Variants in GCNT2 observed in about 807,000 individuals in gnomAD.
The protein encoded by GCNT2 is N-acetyllactosaminide beta-1,6-N-acetylglucosaminyl-transferase.
Under a neutral mutation model 34.2 loss-of-function variants are expected in GCNT2, and 34 were observed. That is an observed-to-expected ratio of 1.00 (90% CI 0.76 to 1.32). GCNT2 has a LOEUF of 1.32. Among genes scored for constraint, GCNT2 ranks in the 40% most tolerant of loss-of-function variants. GCNT2 has a pLI of 0.00. For missense variants in GCNT2, 584 were observed against 489.4 expected (o/e 1.19, Z -1.82); for synonymous variants, 212 against 188.0 (o/e 1.13, Z -1.04).
chr6:10,546,527 C>G (rs1376454891), intron 3 of GCNT2, among the ~76,000 whole-genome samples: 1 of 152,088 alleles, frequency 6.6e-6, no homozygotes, highest in Non-Finnish European at 1.5e-5. Flanking sequence ...GGCGTGGTGG[C>G]AGGTGCTTGT....
At chr6:10,558,869 C>T (rs1364013713) in intron 3 of GCNT2, among the ~76,000 whole-genome samples, 1 of 152,226 alleles carries the variant, frequency 6.6e-6, no homozygotes, top group Non-Finnish European at 1.5e-5. Flanking sequence ...CTCTCTTCAC[C>T]TTTGATCTGT....
intron 3 of GCNT2, among the ~76,000 whole-genome samples, chr6:10,546,742 TTATTA>T (rs1193007436): frequency 6.6e-6 from 1 of 152,176 alleles, no homozygotes; most frequent in Non-Finnish European, 1.5e-5. Context: ...TTTATTTTAT[TTATTA>T]TATTTTAAAG....
At chr6:10,581,907 C>G (rs1164902397) in intron 3 of GCNT2, 3 of 976,402 alleles carry the variant, frequency 3.1e-6, no homozygotes, top group South Asian at 4.7e-5. Context: ...TTGGATTGTT[C>G]CCTTCATACA....
In GCNT2 at chr6:10,579,757, A is replaced by C. The variant is rs183892375; in HGVS notation, c.926-41594A>C. Among the ~76,000 whole-genome samples the C allele has an allele frequency of 8.9e-5, 13 of 145,752 alleles. 1 individual carries two copies. In the East Asian group the frequency reaches 2.0e-3, roughly 22 times the overall value. ...CTTGAACCCGGAAGGCGGAGGTTGC[A>C]GTGAGCTGAGATCGTGCCACTGCGC... On this transcript the variant is annotated intron_variant, in intron 3 of 4. Transcript: ENST00000495262.
chr6:10,580,691 G>A (rs1008858924), intron 3 of GCNT2, among the ~76,000 whole-genome samples: 11 of 151,980 alleles, frequency 7.2e-5, no homozygotes, highest in African/African-American at 2.7e-4. Flanking sequence ...GAGTAGGTCC[G>A]ACTCGGGTTC....
chr6:10,613,669 C>CGCAT (rs1277089510), intron 3 of GCNT2, among the ~76,000 whole-genome samples: 1 of 152,132 alleles, frequency 6.6e-6, no homozygotes. Flanking sequence ...ACAAGTGCAT[C>CGCAT]GCATGTAATA....
chr6:10,561,895 T>A (rs1763002359), intron 3 of GCNT2, among the ~76,000 whole-genome samples: 1 of 152,214 alleles, frequency 6.6e-6, no homozygotes, highest in African/African-American at 2.4e-5. Flanking sequence ...CCTCATTTTT[T>A]AATTCTAAAA....
chr6:10,552,671 A>G (rs1174894465), intron 3 of GCNT2, among the ~76,000 whole-genome samples: 1 of 152,174 alleles, frequency 6.6e-6, no homozygotes, highest in Non-Finnish European at 1.5e-5. Flanking sequence ...GCATTTGTGG[A>G]CTTTGTATCC....
At chr6:10,582,498 A>ATT (rs1491580241) in intron 3 of GCNT2, among the ~76,000 whole-genome samples, 9,521 of 120,556 alleles carry the variant, frequency 0.079, 565 homozygotes, top group Non-Finnish European at 0.12. Context: ...TATAATATAT[A>ATT]ATATAATACA....
intron 3 of GCNT2, among the ~76,000 whole-genome samples, chr6:10,560,111 CAG>C (rs1161961278): frequency 8.5e-5 from 13 of 152,078 alleles, no homozygotes; most frequent in African/African-American, 2.9e-4. Context: ...TTTTTTGAGA[CAG>C]AGTCTCACTC....
Position 10,629,304 on chromosome 6 carries a change from ATGT to A in GCNT2, c.*2699_*2701del, listed in dbSNP as rs1766389801. 1 of 152,554 alleles carries A rather than the reference ATGT, an allele frequency of 6.6e-6. No individual in the cohort carries two copies. The highest frequency in any genetic ancestry group is 2.4e-5 in the African/African-American group (1 of 41,430). 9.5% of individuals were successfully genotyped at this position (152,554 alleles called of 1,614,324 possible). ...GAATGCCCTGAAACTACTGTATCTGATGTTTGTTTTCGATGAGGTTCCATGTTT... is the reference window on the plus strand; with the variant it reads ...GAATGCCCTGAAACTACTGTATCTGATTGTTTTCGATGAGGTTCCATGTTT... On this transcript the variant is annotated 3_prime_UTR_variant, in exon 5 of 5. Coordinates refer to ENST00000495262, the MANE Select transcript of GCNT2 (RefSeq NM_145649.5).
chr6:10,561,246 T>G (rs574529786), intron 3 of GCNT2, among the ~76,000 whole-genome samples: 4 of 152,254 alleles, frequency 2.6e-5, no homozygotes, highest in African/African-American at 9.6e-5. Flanking sequence ...CACCGCAACC[T>G]CCGCCTCCTG....
chr6:10,603,984 C>T (rs769693639), intron 3 of GCNT2, among the ~76,000 whole-genome samples: 7 of 151,970 alleles, frequency 4.6e-5, no homozygotes, highest in Non-Finnish European at 8.8e-5. Flanking sequence ...CAACCTCCGC[C>T]GCCCCGGTTC....
At position 10,539,480 on chromosome 6, in the gene GCNT2, C is replaced by T. The variant is rs561801058; in HGVS notation, c.925+9644C>T. Among the ~76,000 whole-genome samples, 15 of 152,162 alleles carry T rather than the reference C, an allele frequency of 9.9e-5. No homozygotes were observed. In the South Asian group the frequency reaches 1.5e-3, roughly 15 times the overall value. ...CTGGAATTACAGACGTGAGCCACTG[C>T]GCCCGGCCCCGCCATCTCTTTAACT... On this transcript the variant is annotated intron_variant, in intron 3 of 4. Coordinates refer to ENST00000495262, the MANE Select transcript of GCNT2 (RefSeq NM_145649.5).
At chr6:10,583,595 G>C (rs1233780523) in intron 3 of GCNT2, among the ~76,000 whole-genome samples, 2 of 152,310 alleles carry the variant, frequency 1.3e-5, no homozygotes, top group East Asian at 3.9e-4. Context: ...AATGCGACCA[G>C]ACCTGTGCTT....
intron 3 of GCNT2, 152 bp from the exon 4 acceptor site, chr6:10,621,199 A>T: frequency 1.5e-6 from 1 of 668,316 alleles, no homozygotes; most frequent in Non-Finnish European, 2.7e-6. Flanking sequence ...GAGGAAACAG[A>T]AGATGGGTAG....
chr6:10,569,407 A>C (rs1405234528), intron 3 of GCNT2, among the ~76,000 whole-genome samples: 2 of 152,026 alleles, frequency 1.3e-5, no homozygotes, highest in Non-Finnish European at 2.9e-5. Flanking sequence ...CCGCAGCCTC[A>C]AACTCCTGGG....
At position 10,599,873 on chromosome 6, in the gene GCNT2, T is replaced by A. The variant is rs141123950; in HGVS notation, c.926-21478T>A. 1.8e-3 allele frequency among the ~76,000 whole-genome samples: 277 copies of A among 152,274 alleles called. 2 individuals are homozygous for A. Among genetic ancestry groups the A allele is most frequent in the African/African-American group, 6.3e-3 (262 of 41,550 alleles). ...CTGGCACATAGAAAGAGGAAGGTTG[T>A]GGTGATGAAGTTTTTTTGAGTGGAA... On this transcript the variant is annotated intron_variant, in intron 3 of 4. Coordinates refer to ENST00000495262, the MANE Select transcript of GCNT2 (RefSeq NM_145649.5).
chr6:10,521,975 C>T (rs1011676806), intron 1 of GCNT2, among the ~76,000 whole-genome samples: 8 of 151,760 alleles, frequency 5.3e-5, no homozygotes, highest in Admixed American at 6.6e-5. Context: ...TCTCAGCTTA[C>T]TGCAACCCCC....
Sources: gnomAD v4.1 joint callset for allele counts (sites outside exome capture counted in the v4.1 genomes callset) on GRCh38, gnomAD v4.1.1 for gene constraint, MANE v1.5 for transcripts, NCBI Gene and HGNC (gene_info 2026-07-23, HGNC 2026-07-21) for gene names.